ZBTB20: variants seen among roughly 807,000 people sequenced by gnomAD.
ZBTB20 encodes the protein zinc finger and BTB domain containing 20.
In ZBTB20, 9 loss-of-function variants were observed where a neutral mutation model predicts 56.9. The ratio of observed to expected loss-of-function variants is 0.16; its 90% confidence interval spans 0.10 to 0.28. ZBTB20 has a LOEUF of 0.28. ZBTB20 is among the 10% of genes least tolerant of loss of function. The probability of loss-of-function intolerance (pLI) is 1.00; values close to 1 mark genes in which losing one functional copy is unlikely to be tolerated. For synonymous variants in ZBTB20, 417 were observed against 420.7 expected, an observed-to-expected ratio of 0.99 and a Z score of 0.11; for missense variants, 655 against 1,003.0, an observed-to-expected ratio of 0.65 and a Z score of 4.69.
chr3:114,972,790 A>T (rs1217211295), intron 3 of ZBTB20, among the ~76,000 whole-genome samples: 1 of 152,142 alleles, frequency 6.6e-6, no homozygotes, highest in Non-Finnish European at 1.5e-5. Context: ...CTAGCAGATA[A>T]CCAATCACCA....
chr3:114,983,854 G>A (rs1430202042), intron 2 of ZBTB20, among the ~76,000 whole-genome samples: 1 of 151,844 alleles, frequency 6.6e-6, no homozygotes, highest in Non-Finnish European at 1.5e-5. Flanking sequence ...TTATTTTCTA[G>A]TTTCAAAAAT....
chr3:114,483,583 T>C (rs1374860278), intron 7 of ZBTB20, among the ~76,000 whole-genome samples: 1 of 152,158 alleles, frequency 6.6e-6, no homozygotes, highest in Non-Finnish European at 1.5e-5. Context: ...TTTACATGGC[T>C]CTACCAGTAA....
chr3:114,834,140 G>C (rs1352762755), intron 4 of ZBTB20, among the ~76,000 whole-genome samples: 1 of 152,006 alleles, frequency 6.6e-6, no homozygotes, highest in Non-Finnish European at 1.5e-5. Context: ...GAAGCAGTTT[G>C]GTAATACCTA....
rs1560091979 is a variant in ZBTB20 at position 114,339,200 on chromosome 3, C to T, written c.2031G>A (p.Leu677=). ...CKKKFSHKTL[L]ERHVALHSAS... ...CACTGTGCAGGGCCACGTGTCGCTCCAGGAGGGTCTTGTGAGAGAACTTCT... is the reference window on the plus strand; with the variant it reads ...CACTGTGCAGGGCCACGTGTCGCTCTAGGAGGGTCTTGTGAGAGAACTTCT... The change falls in exon 12 of 12, where the codon CTG becomes CTA. Residue 677 remains leucine, a synonymous_variant. Coordinates refer to ENST00000675478, the MANE Select transcript of ZBTB20 (RefSeq NM_001348800.3). This position sits in a 1 kb window ranked among gnomAD's most constrained non-coding sequence, Gnocchi z 4.2. The T allele has an allele frequency of 6.2e-6, 10 of 1,614,216 alleles. No individual in the cohort carries two copies. The highest frequency in any genetic ancestry group is 2.7e-5 in the African/African-American group (2 of 75,064).
intron 6 of ZBTB20, among the ~76,000 whole-genome samples, chr3:114,515,722 G>A (rs2045912228): frequency 6.6e-6 from 1 of 152,132 alleles, no homozygotes; most frequent in Admixed American, 6.6e-5. Flanking sequence ...TAACATTTCA[G>A]AGATCTTTCT....
rs111770975 is a variant in ZBTB20, at chr3:114,769,954, G to A, written c.-343+31147C>T. On this transcript the variant is annotated intron_variant, in intron 5 of 11. Coordinates refer to ENST00000675478, the MANE Select transcript of ZBTB20 (RefSeq NM_001348800.3). ...TGCACCCGTAATCCTAGGTGCTCCAGAGGCTGAGGCAGGAGAATCACTTTA... is the reference window on the plus strand; with the variant it reads ...TGCACCCGTAATCCTAGGTGCTCCAAAGGCTGAGGCAGGAGAATCACTTTA... Among the ~76,000 whole-genome samples, 1,164 of 151,968 alleles carry A rather than the reference G, an allele frequency of 7.7e-3. 10 individuals carry two copies. The highest frequency in any genetic ancestry group is 0.027 in the African/African-American group (1,116 of 41,414).
intron 2 of ZBTB20, among the ~76,000 whole-genome samples, chr3:115,044,363 T>C (rs577112856): frequency 1.3e-5 from 2 of 152,314 alleles, no homozygotes; most frequent in African/African-American, 4.8e-5. Context: ...TACAGATACA[T>C]TCATTTTATT....
chr3:114,340,479 T>C (rs2079676411), intron 11 of ZBTB20, among the ~76,000 whole-genome samples: 1 of 152,220 alleles, frequency 6.6e-6, no homozygotes, highest in Non-Finnish European at 1.5e-5. Flanking sequence ...TTTCCTCAGT[T>C]TACTGCTTTG....
intron 2 of ZBTB20, among the ~76,000 whole-genome samples, chr3:114,993,697 ATTAT>A (rs2078913715): frequency 2.6e-5 from 4 of 151,934 alleles, no homozygotes; most frequent in Non-Finnish European, 4.4e-5. Flanking sequence ...TGAAATATTA[ATTAT>A]TTAAAATGAA....
chr3:114,634,508 AG>A (rs1477790408), intron 6 of ZBTB20, among the ~76,000 whole-genome samples: 3 of 152,184 alleles, frequency 2.0e-5, no homozygotes, highest in Non-Finnish European at 4.4e-5. Context: ...AACAAATAAT[AG>A]GGGTGAAGTC....
At chr3:114,894,106 C>T (rs1040676467) in intron 4 of ZBTB20, among the ~76,000 whole-genome samples, 4 of 51,364 alleles carry the variant, frequency 7.8e-5, no homozygotes, top group African/African-American at 2.4e-4. Context: ...GAGTTTTTAT[C>T]AGGTTTATCC....
intron 6 of ZBTB20, among the ~76,000 whole-genome samples, chr3:114,650,902 C>T (rs908835649): frequency 6.6e-6 from 1 of 151,858 alleles, no homozygotes; most frequent in Non-Finnish European, 1.5e-5. Context: ...TCGGATGCAT[C>T]ATTTTACAAT....
intron 5 of ZBTB20, among the ~76,000 whole-genome samples, chr3:114,746,018 G>C (rs1299659098): frequency 6.6e-6 from 1 of 152,120 alleles, no homozygotes; most frequent in Admixed American, 6.6e-5. Context: ...TGGCGTAAAA[G>C]CATCTCCCTG....
intron 2 of ZBTB20, among the ~76,000 whole-genome samples, chr3:115,043,567 G>C (rs949471347): frequency 2.2e-5 from 3 of 138,322 alleles, no homozygotes; most frequent in Non-Finnish European, 4.7e-5. Context: ...CAAGACTCTG[G>C]TCTCAAAAAG....
chr3:114,620,807 A>G (rs986536084), intron 6 of ZBTB20, among the ~76,000 whole-genome samples: 6 of 152,182 alleles, frequency 3.9e-5, no homozygotes, highest in Non-Finnish European at 7.3e-5. Context: ...GCATATATAA[A>G]TGCTAAATGA....
intron 2 of ZBTB20, among the ~76,000 whole-genome samples, chr3:114,981,600 G>C (rs1006531302): frequency 3.3e-5 from 5 of 151,922 alleles, no homozygotes; most frequent in African/African-American, 7.2e-5. Flanking sequence ...CCCATATTCA[G>C]GTTCTGTTCA....
chr3:114,350,233 T>A, intron 11 of ZBTB20, 41 bp downstream of exon 11: 1 of 1,559,924 alleles, frequency 6.4e-7, no homozygotes, highest in Non-Finnish European at 8.7e-7. Flanking sequence ...CACAGCCCCC[T>A]CAGCCCCTGC....
intron 5 of ZBTB20, among the ~76,000 whole-genome samples, chr3:114,742,329 G>A (rs1188366182): frequency 6.6e-6 from 1 of 152,010 alleles, no homozygotes; most frequent in African/African-American, 2.4e-5. Context: ...AAATGAAGCC[G>A]GGTAGGATAC....
intron 1 of ZBTB20, among the ~76,000 whole-genome samples, chr3:115,134,783 G>T (rs2084610428): frequency 6.6e-6 from 1 of 152,098 alleles, no homozygotes; most frequent in Non-Finnish European, 1.5e-5. Context: ...TAAATGAATT[G>T]CTATTTTTCG....
Sources: allele counts gnomAD v4.1 joint callset (sites outside exome capture counted in the v4.1 genomes callset), GRCh38; gene constraint gnomAD v4.1.1; non-coding constraint Gnocchi (gnomAD v3.1); transcripts MANE v1.5; gene names NCBI Gene and HGNC (gene_info 2026-07-23, HGNC 2026-07-21).